The following APOOL variants were observed in gnomAD, a reference collection of about 807,000 sequenced individuals.
APOOL encodes the protein MICOS complex subunit MIC27.
APOOL carries 12 observed loss-of-function variants against 23.1 expected under a neutral mutation model. The ratio of observed to expected loss-of-function variants is 0.52; its 90% CI spans 0.33 to 0.84. APOOL has a LOEUF of 0.84. Among genes scored for constraint, APOOL ranks in the 40% least tolerant of loss-of-function variants. The pLI is 0.02. For synonymous variants in APOOL, 77 were observed against 69.9 expected (o/e 1.10, Z -0.51); for missense variants, 212 against 199.6 (o/e 1.06, Z -0.37).
At chrX:85,086,889 C>T (rs1203313055) in intron 8 of APOOL, among the ~76,000 whole-genome samples, 3 of 103,867 alleles carry the variant, frequency 2.9e-5, no homozygotes, top group Admixed American at 1.1e-4. Context: ...TTAGTAGAAA[C>T]GGGGTTTCAC....
chrX:85,060,090 A>G (rs1406714107), intron 5 of APOOL, among the ~76,000 whole-genome samples: 3 of 110,722 alleles, frequency 2.7e-5, no homozygotes, highest in Non-Finnish European at 3.8e-5. Flanking sequence ...TCAGCTTTCT[A>G]CATATGACTA....
chrX:85,027,307 G>A (rs1285731562), intron 1 of APOOL, among the ~76,000 whole-genome samples: 1 of 111,343 alleles, frequency 9.0e-6, no homozygotes, highest in Non-Finnish European at 1.9e-5. Context: ...GGGATCTGCT[G>A]CCATGACCCA....
intron 5 of APOOL, among the ~76,000 whole-genome samples, chrX:85,059,648 A>G (rs1176905248): frequency 2.5e-4 from 27 of 109,419 alleles, no homozygotes; most frequent in African/African-American, 8.0e-4. Flanking sequence ...GCATTTTTTC[A>G]TGTGTTTTTT....
chrX:85,063,287 T>C (rs1361625085), intron 5 of APOOL, among the ~76,000 whole-genome samples: 1 of 111,695 alleles, frequency 9.0e-6, no homozygotes, highest in Non-Finnish European at 1.9e-5. Context: ...TTTCTAGATA[T>C]AGGGATCATA....
chrX:85,065,829 TAG>T, intron 5 of APOOL, among the ~76,000 whole-genome samples: 1 of 111,073 alleles, frequency 9.0e-6, no homozygotes, highest in Middle Eastern at 4.6e-3. Flanking sequence ...AATTTAACTG[TAG>T]ATAATGGAAT....
intron 1 of APOOL, among the ~76,000 whole-genome samples, chrX:85,005,412 G>T (rs1426433027): frequency 4.5e-4 from 3 of 6,723 alleles, no homozygotes; most frequent in Non-Finnish European, 9.2e-4. Flanking sequence ...CCCCCCCCGG[G>T]CCTCCCAAAG....
At chrX:85,023,016 C>G (rs1192498936) in intron 1 of APOOL, among the ~76,000 whole-genome samples, 1 of 111,652 alleles carries the variant, frequency 9.0e-6, no homozygotes, top group African/African-American at 3.3e-5. Context: ...TCCACTCTCT[C>G]TCTTGCTTCC....
chrX:85,061,683 T>C (rs1255725683), intron 5 of APOOL, among the ~76,000 whole-genome samples: 1 of 112,025 alleles, frequency 8.9e-6, no homozygotes, highest in Non-Finnish European at 1.9e-5. Context: ...GTGTTTATAG[T>C]ATTCTCTGAT....
At chrX:85,011,718 G>A (rs1352696782) in intron 1 of APOOL, among the ~76,000 whole-genome samples, 1 of 111,777 alleles carries the variant, frequency 8.9e-6, no homozygotes, top group Admixed American at 9.5e-5. Flanking sequence ...TTTTATACCA[G>A]TACCATGTTT....
rs747927950 is a variant in APOOL at position 85,070,411 on chromosome X, AT to A, written c.486+3198del. On this transcript the variant is annotated intron_variant, in intron 6 of 8. Coordinates refer to ENST00000373173, the MANE Select transcript of APOOL (RefSeq NM_198450.6). ...CGCTTTTTATAATTTTCCTCACAATATTTTTATTATTAACTTATGTAAAGAG... is the reference window on the plus strand; with the variant it reads ...CGCTTTTTATAATTTTCCTCACAATATTTTATTATTAACTTATGTAAAGAG... 7.1e-4 allele frequency among the ~76,000 whole-genome samples: 79 copies of A among 111,688 alleles called. 1 individual carries two copies. Among genetic ancestry groups the A allele is most frequent in the African/African-American group, 2.4e-3 (75 of 30,854 alleles).
chrX:85,004,030 C>A, intron 1 of APOOL, 103 bp downstream of exon 1: 1 of 1,034,254 alleles, frequency 9.7e-7, no homozygotes, highest in Non-Finnish European at 1.4e-6. Flanking sequence ...AAACAAGGGG[C>A]AGGGTGGAGG....
chrX:85,092,618 A>G lies in APOOL; in HGVS notation c.*4940A>G, dbSNP rs1924559154. 8 of 1,055,174 alleles carry G rather than the reference A, an allele frequency of 7.6e-6. No homozygotes were observed. The highest frequency in any genetic ancestry group is 2.4e-5 in the Admixed American group (1 of 41,254). The allele number at this position is 1,055,174 out of a possible 1,213,427, so 87.0% of individuals were successfully genotyped here. On this transcript the variant is annotated 3_prime_UTR_variant, in exon 9 of 9. Transcript: ENST00000373173. ...TCATTTGAAAGTATAATCTTCGTTA[A>G]CACATATATTTTATTGAAGGTCTAC... is the stretch of plus-strand genomic sequence containing the variant.
At chrX:85,066,989 G>T (rs1349857922) in intron 5 of APOOL, 138 bp from the exon 6 acceptor site, 2 of 382,224 alleles carry the variant, frequency 5.2e-6, no homozygotes, top group African/African-American at 2.5e-5. Flanking sequence ...CTTCCATCTT[G>T]ATTGGTATAA....
At chrX:85,044,270 G>GTGTA (rs576516932) in intron 1 of APOOL, among the ~76,000 whole-genome samples, 3,586 of 107,299 alleles carry the variant, frequency 0.033, 132 homozygotes, top group East Asian at 0.18. Context: ...GTGTGTGTGT[G>GTGTA]TATATATATA....
chrX:85,052,773 T>A (rs1237847581), intron 3 of APOOL, among the ~76,000 whole-genome samples: 1 of 111,591 alleles, frequency 9.0e-6, no homozygotes, highest in Non-Finnish European at 1.9e-5. Flanking sequence ...GTCTGAATCA[T>A]GCCCCTATGA....
At chrX:85,006,678 T>A (rs886552825) in intron 1 of APOOL, among the ~76,000 whole-genome samples, 4 of 112,093 alleles carry the variant, frequency 3.6e-5, no homozygotes, top group African/African-American at 1.3e-4. Flanking sequence ...GCTATTGTGT[T>A]ATTGAATATT....
intron 1 of APOOL, among the ~76,000 whole-genome samples, chrX:85,011,443 G>A (rs1250759483): frequency 1.8e-5 from 2 of 111,856 alleles, no homozygotes; most frequent in African/African-American, 6.5e-5. Context: ...TTTTTCTGAT[G>A]TTATCTTCTG....
intron 2 of APOOL, among the ~76,000 whole-genome samples, chrX:85,047,218 A>G (rs758635602): frequency 1.3e-3 from 144 of 112,060 alleles, no homozygotes; most frequent in Non-Finnish European, 1.5e-3. Context: ...CTTCCAGGAT[A>G]AACATTTTAA....
chrX:85,049,599 C>G (rs1158095560), intron 2 of APOOL, among the ~76,000 whole-genome samples: 1 of 110,804 alleles, frequency 9.0e-6, no homozygotes, highest in Admixed American at 9.6e-5. Context: ...GTCTGGGCAA[C>G]AGGGTGAAAC....
Sources: allele counts gnomAD v4.1 joint callset (sites outside exome capture counted in the v4.1 genomes callset), GRCh38; gene constraint gnomAD v4.1.1; transcripts MANE v1.5; gene names NCBI Gene and HGNC (gene_info 2026-07-23, HGNC 2026-07-21).